EDNRB: variants seen among roughly 807,000 people sequenced by gnomAD.
EDNRB encodes the protein Hirschsprung disease 2.
Under a neutral mutation model 46.4 loss-of-function variants are expected in EDNRB, and 18 were observed. The ratio of observed to expected loss-of-function variants is 0.39; its 90% CI spans 0.27 to 0.57. The LOEUF (loss-of-function observed/expected upper bound fraction) is 0.57. Ranked by LOEUF, EDNRB falls within the 20% of genes least tolerant of loss-of-function variation. The pLI is 0.61. For synonymous variants in EDNRB, 213 were observed against 204.9 expected, an observed-to-expected ratio of 1.04 and a Z score of -0.34; for missense variants, 434 against 537.5, an observed-to-expected ratio of 0.81 and a Z score of 1.90.
chr13:77,959,470 A>G (rs1881339096), intron 1 of EDNRB, among the ~76,000 whole-genome samples: 1 of 152,240 alleles, frequency 6.6e-6, no homozygotes, highest in African/African-American at 2.4e-5. Flanking sequence ...ACAGACCTGC[A>G]GCTGAGGGTC....
rs563931629 is a variant in EDNRB, at chr13:77,898,156, C to T, written c.*44G>A. 1.3e-5 allele frequency: 21 copies of T among 1,602,034 alleles called. No individual in the cohort carries two copies. Among genetic ancestry groups the T allele is most frequent in the Admixed American group, 1.0e-4 (6 of 59,282 alleles). On this transcript the variant is annotated 3_prime_UTR_variant, in exon 7 of 7. Coordinates refer to ENST00000646607, the MANE Select transcript of EDNRB (RefSeq NM_001122659.3). ...ATGTTTCATTTTGTTTTAATGACTTCGGTCCAATATAAAGAAAATGAAATA... is the reference window on the plus strand; with the variant it reads ...ATGTTTCATTTTGTTTTAATGACTTTGGTCCAATATAAAGAAAATGAAATA...
intron 1 of EDNRB, among the ~76,000 whole-genome samples, chr13:77,929,234 A>T (rs1413008236): frequency 6.6e-6 from 1 of 152,196 alleles, no homozygotes; most frequent in East Asian, 1.9e-4. Context: ...AAATCCTCAT[A>T]GCATACAAAT....
Position 77,918,255 on chromosome 13 carries a change from C to A in EDNRB, c.319G>T (p.Val107Leu). The A allele has an allele frequency of 6.2e-7, 1 of 1,614,138 alleles. No homozygotes were observed. The highest frequency in any genetic ancestry group is 8.5e-7 in the Non-Finnish European group (1 of 1,180,026). Residue 107 changes from valine to leucine, a missense_variant, in exon 1 of 7, where the codon GTG becomes TTG. Val to Leu is a conservative substitution (Grantham distance 32, BLOSUM62 1). Transcript: ENST00000646607. This position sits in a 1 kb window ranked among gnomAD's most constrained non-coding sequence, Gnocchi z 4.5. ...KETFKYINTV[V>L]SCLVFVLGII... ...CCCAGCACGAACACAAGGCAGGACA[C>A]AACCGTGTTGATGTATTTGAAAGTC...
At position 77,898,041 on chromosome 13, in the gene EDNRB, T is replaced by G; in HGVS notation, c.*159A>C. The G allele has an allele frequency of 4.9e-6, 7 of 1,433,408 alleles. No individual in the cohort carries two copies. Among genetic ancestry groups the G allele is most frequent in the Non-Finnish European group, 6.4e-6 (7 of 1,096,486 alleles). The allele number at this position is 1,433,408 out of a possible 1,614,324, so 88.8% of individuals were successfully genotyped here. A position where few individuals can be genotyped will look rare whatever the true frequency, so the allele number is the denominator to read the frequency against. On this transcript the variant is annotated 3_prime_UTR_variant, in exon 7 of 7. Transcript: ENST00000646607. Reference sequence around the variant, plus strand: ...CATGCCGTAAACAGCTCATAAAATGTCATATGTAGCTGTGAGTGTTAAAAT... The same window carrying G: ...CATGCCGTAAACAGCTCATAAAATGGCATATGTAGCTGTGAGTGTTAAAAT...
intron 1 of EDNRB, among the ~76,000 whole-genome samples, chr13:77,930,749 T>G (rs567645933): frequency 2.0e-5 from 3 of 152,224 alleles, no homozygotes; most frequent in Non-Finnish European, 2.9e-5. Flanking sequence ...ATCTGCAATA[T>G]GCCAAAATAG....
chr13:77,935,211 G>A (rs958142478), intron 1 of EDNRB, among the ~76,000 whole-genome samples: 1 of 152,242 alleles, frequency 6.6e-6, no homozygotes, highest in Non-Finnish European at 1.5e-5. Flanking sequence ...GCCGCCACAC[G>A]CAAACTTGAG....
At chr13:77,935,806 T>C (rs1453760705) in intron 1 of EDNRB, among the ~76,000 whole-genome samples, 1 of 152,132 alleles carries the variant, frequency 6.6e-6, no homozygotes, top group Non-Finnish European at 1.5e-5. Flanking sequence ...AAAGAAAGCA[T>C]GTTAGAGATC....
At chr13:77,960,417 A>G (rs1398569201) in intron 1 of EDNRB, among the ~76,000 whole-genome samples, 8 of 152,190 alleles carry the variant, frequency 5.3e-5, no homozygotes, top group Admixed American at 5.2e-4. Context: ...TCAACCCCAG[A>G]ATTTCATATC....
intron 1 of EDNRB, among the ~76,000 whole-genome samples, chr13:77,958,129 G>A (rs1405642406): frequency 1.3e-5 from 2 of 152,126 alleles, no homozygotes; most frequent in Non-Finnish European, 2.9e-5. Context: ...AGAATCACTT[G>A]CAAAGTATTG....
At chr13:77,937,660 T>C (rs1880606165) in intron 1 of EDNRB, among the ~76,000 whole-genome samples, 1 of 152,124 alleles carries the variant, frequency 6.6e-6, no homozygotes, top group Admixed American at 6.5e-5. Flanking sequence ...GGGACTAAAC[T>C]GTAAGCCGGA....
chr13:77,903,099 A>G, intron 3 of EDNRB, 57 bp downstream of exon 3: 1 of 1,585,766 alleles, frequency 6.3e-7, no homozygotes, highest in South Asian at 1.1e-5. Context: ...CAGGGGAAAA[A>G]TAGCTAAATA....
Position 77,896,719 on chromosome 13 carries a change from C to T in EDNRB, c.*1481G>A, listed in dbSNP as rs200394800. On this transcript the variant is annotated 3_prime_UTR_variant, in exon 7 of 7. Coordinates refer to ENST00000646607, the MANE Select transcript of EDNRB (RefSeq NM_001122659.3). ...ATTGATGTGACGAGGCAATGACGAACGTTAGGCTAAGAATGGGAATCTGTC... is the reference window on the plus strand; with the variant it reads ...ATTGATGTGACGAGGCAATGACGAATGTTAGGCTAAGAATGGGAATCTGTC... The T allele has an allele frequency of 4.8e-5, 67 of 1,399,218 alleles. No individual in the cohort carries two copies. The African/African-American group carries it at 6.9e-4, about 14-fold the overall frequency. 86.7% of individuals were successfully genotyped at this position (1,399,218 alleles called of 1,614,324 possible).
chr13:77,965,762 G>C (rs888922494), intron 1 of EDNRB, among the ~76,000 whole-genome samples: 1 of 152,116 alleles, frequency 6.6e-6, no homozygotes, highest in Admixed American at 6.5e-5. Flanking sequence ...AATGCTAGAA[G>C]GGGAAATAGG....
At chr13:77,946,542 G>A (rs1880923163) in intron 1 of EDNRB, among the ~76,000 whole-genome samples, 1 of 152,064 alleles carries the variant, frequency 6.6e-6, no homozygotes, top group Non-Finnish European at 1.5e-5. Context: ...CTGAGCTCAT[G>A]AATCATTTGC....
At chr13:77,937,415 G>A (rs1490889176) in intron 1 of EDNRB, among the ~76,000 whole-genome samples, 1 of 152,166 alleles carries the variant, frequency 6.6e-6, no homozygotes, top group Non-Finnish European at 1.5e-5. Context: ...TTTCATCTGG[G>A]GAGAGGGTAG....
At chr13:77,900,011 C>A (rs1220243470) in intron 5 of EDNRB, 44 bp from the exon 6 acceptor site, 3 of 1,513,242 alleles carry the variant, frequency 2.0e-6, no homozygotes, top group Middle Eastern at 1.9e-4. Context: ...ATATGCTATT[C>A]TGAACATGTA....
rs986577898 is a variant in EDNRB at position 77,934,686 on chromosome 13, G to A, written c.-51-16062C>T. 2.1e-4 allele frequency among the ~76,000 whole-genome samples: 32 copies of A among 150,784 alleles called. 1 individual carries two copies. Among genetic ancestry groups the A allele is most frequent in the Middle Eastern group, 6.8e-3 (2 of 294 alleles). Reference sequence around the variant, plus strand: ...GAGCTTGATGTGTAGGAAAGGGGGGGGGGGGCCTGAATAGTCCCTGAGGAG... The same window carrying A: ...GAGCTTGATGTGTAGGAAAGGGGGGAGGGGGCCTGAATAGTCCCTGAGGAG... On this transcript the variant is annotated intron_variant, in intron 1 of 7. Coordinates refer to the EDNRB transcript ENST00000646948.
chr13:77,970,153 C>A (rs1345715748), intron 1 of EDNRB, among the ~76,000 whole-genome samples: 1 of 152,132 alleles, frequency 6.6e-6, no homozygotes, highest in African/African-American at 2.4e-5. Context: ...CAATACTGAA[C>A]AAAATTGTAT....
At chr13:77,946,258 C>A (rs1374404219) in intron 1 of EDNRB, among the ~76,000 whole-genome samples, 1 of 152,066 alleles carries the variant, frequency 6.6e-6, no homozygotes, top group Non-Finnish European at 1.5e-5. Flanking sequence ...AGTATAGAAT[C>A]CCATTCTGGG....
Sources: allele counts gnomAD v4.1 joint callset (sites outside exome capture counted in the v4.1 genomes callset), GRCh38; gene constraint gnomAD v4.1.1; non-coding constraint Gnocchi (gnomAD v3.1); transcripts MANE v1.5; gene names NCBI Gene and HGNC (gene_info 2026-07-23, HGNC 2026-07-21).